CDK5RAP2: variants seen among roughly 807,000 people sequenced by gnomAD.
CDK5RAP2 encodes CDK5 regulatory subunit associated protein 2.
Under a neutral mutation model 232.9 loss-of-function variants are expected in CDK5RAP2, and 147 were observed. The observed-to-expected ratio is 0.63, with a 90% CI of 0.55 to 0.72. The LOEUF is 0.72. CDK5RAP2 is among the 30% of genes least tolerant of loss of function. The pLI, the probability that CDK5RAP2 is intolerant of heterozygous loss-of-function variation, is 0.00. For missense variants in CDK5RAP2, 2,195 were observed against 2,231.5 expected (o/e 0.98, Z 0.33); for synonymous variants, 833 against 833.7 (o/e 1.00, Z 0.01).
chr9:120,482,984 G>A (rs1166197245), intron 14 of CDK5RAP2, among the ~76,000 whole-genome samples: 1 of 152,170 alleles, frequency 6.6e-6, no homozygotes, highest in African/African-American at 2.4e-5. Flanking sequence ...TGACAAACCA[G>A]TAGATCTCCT....
At position 120,550,792 on chromosome 9, in the gene CDK5RAP2, A is replaced by G. The variant is rs761976885; in HGVS notation, c.306T>C (p.Thr102=). ...FHGPTEHIYK[T]NIELKVEVES... ...CAGTAATGAGAAATGGGCCACTCAC[A>G]GTTTTGTAGATATGTTCAGTGGGGC... The change falls in exon 4 of 38, where the codon ACT becomes ACC. Residue 102 remains threonine, a splice_region_variant and synonymous_variant. Coordinates refer to ENST00000349780, the MANE Select transcript of CDK5RAP2 (RefSeq NM_018249.6). 5 of 1,549,680 alleles carry G rather than the reference A, an allele frequency of 3.2e-6. No homozygotes were observed. The Admixed American group carries it at 6.7e-5, about 21-fold the overall frequency.
chr9:120,461,217 T>C (rs1276552665), intron 18 of CDK5RAP2, among the ~76,000 whole-genome samples: 1 of 152,276 alleles, frequency 6.6e-6, no homozygotes, highest in Non-Finnish European at 1.5e-5. Context: ...GTCATTTTGC[T>C]GACAGAAATT....
At chr9:120,537,269 A>T (rs780292287) in intron 6 of CDK5RAP2, among the ~76,000 whole-genome samples, 108 of 152,260 alleles carry the variant, frequency 7.1e-4, no homozygotes, top group Non-Finnish European at 1.3e-3. Context: ...CCCAATCTAT[A>T]AAATAGGGAT....
chr9:120,529,879 G>C (rs776302661), intron 8 of CDK5RAP2, 99 bp downstream of exon 8: 1 of 1,140,856 alleles, frequency 8.8e-7, no homozygotes, highest in Admixed American at 1.7e-5. Context: ...TTTAGAAGCA[G>C]GCTGTGTGTG....
chr9:120,512,101 C>T (rs2040120976), intron 12 of CDK5RAP2, among the ~76,000 whole-genome samples: 1 of 152,084 alleles, frequency 6.6e-6, no homozygotes, highest in Non-Finnish European at 1.5e-5. Flanking sequence ...ATAATCCTAA[C>T]ACTTTGGGAG....
chr9:120,471,992 A>T, intron 15 of CDK5RAP2, 114 bp from the exon 16 acceptor site: 2 of 1,357,498 alleles, frequency 1.5e-6, no homozygotes, highest in South Asian at 2.4e-5. Context: ...TTCTGGTTAT[A>T]AAAGTATATA....
At chr9:120,542,427 C>T (rs2041671358) in intron 5 of CDK5RAP2, among the ~76,000 whole-genome samples, 1 of 151,798 alleles carries the variant, frequency 6.6e-6, no homozygotes, top group Non-Finnish European at 1.5e-5. Flanking sequence ...ATCACTTGAA[C>T]CCGGGTTGTA....
At chr9:120,402,512 G>C (rs748961167) in intron 34 of CDK5RAP2, among the ~76,000 whole-genome samples, 2 of 152,174 alleles carry the variant, frequency 1.3e-5, no homozygotes, top group Non-Finnish European at 2.9e-5. Flanking sequence ...GACACACCAG[G>C]GTGCAGATGG....
intron 11 of CDK5RAP2, among the ~76,000 whole-genome samples, chr9:120,522,700 T>A (rs939388228): frequency 2.0e-5 from 3 of 152,176 alleles, no homozygotes; most frequent in Non-Finnish European, 4.4e-5. Context: ...GTGAAACCAG[T>A]GATTAGAATT....
chr9:120,443,900 A>G (rs774430533), intron 22 of CDK5RAP2, among the ~76,000 whole-genome samples, 158 bp from the exon 23 acceptor site: 2 of 152,170 alleles, frequency 1.3e-5, no homozygotes, highest in South Asian at 2.1e-4. Context: ...TCGAGCTGCC[A>G]TAACAGGACA....
At chr9:120,395,861 G>A (rs2032421774) in intron 35 of CDK5RAP2, among the ~76,000 whole-genome samples, 1 of 152,256 alleles carries the variant, frequency 6.6e-6, no homozygotes, top group East Asian at 1.9e-4. Flanking sequence ...AGGTGTGGGT[G>A]AGACAACTAT....
chr9:120,530,324 CCT>C (rs1341778555), intron 7 of CDK5RAP2, among the ~76,000 whole-genome samples, 184 bp from the exon 8 acceptor site: 3 of 152,134 alleles, frequency 2.0e-5, no homozygotes, highest in Non-Finnish European at 4.4e-5. Flanking sequence ...TAACTGGTCC[CCT>C]GCCTGCCTCC....
At chr9:120,548,894 C>T (rs569996515) in intron 4 of CDK5RAP2, among the ~76,000 whole-genome samples, 2 of 152,116 alleles carry the variant, frequency 1.3e-5, no homozygotes, top group Admixed American at 6.5e-5. Context: ...CAGTGCCTCA[C>T]GCCTATAATC....
intron 25 of CDK5RAP2, among the ~76,000 whole-genome samples, chr9:120,428,008 T>G (rs922020692): frequency 5.3e-5 from 8 of 152,136 alleles, no homozygotes; most frequent in Admixed American, 5.2e-4. Context: ...GAATGACTAC[T>G]GGGTACATAA....
chr9:120,492,991 C>A (rs544701127), intron 12 of CDK5RAP2, among the ~76,000 whole-genome samples: 1 of 152,202 alleles, frequency 6.6e-6, no homozygotes, highest in African/African-American at 2.4e-5. Flanking sequence ...AGTCTCTAAA[C>A]GCCTTTTCCT....
At chr9:120,534,128 T>C (rs754053963) in intron 7 of CDK5RAP2, among the ~76,000 whole-genome samples, 7 of 152,156 alleles carry the variant, frequency 4.6e-5, no homozygotes, top group Non-Finnish European at 1.0e-4. Flanking sequence ...CAGTGGCTTC[T>C]TGTATGCCTT....
rs796831233 is a variant in CDK5RAP2 at position 120,477,567 on chromosome 9, G to A, written c.1627-117C>T. 9.7e-6 allele frequency: 8 copies of A among 822,952 alleles called. No homozygotes were observed. The African/African-American group carries it at 1.2e-4, about 12-fold the overall frequency. 51.0% of individuals were successfully genotyped at this position (822,952 alleles called of 1,614,324 possible). ...TTTAAAATCAAACGAAGGTGAGAGA[G>A]GCCCTGTGCCTGGCTCTGGCTCAGG... On this transcript the variant is annotated intron_variant, in intron 14 of 37. Transcript: ENST00000349780.
chr9:120,437,226 C>G, intron 25 of CDK5RAP2, 69 bp downstream of exon 25: 1 of 1,111,184 alleles, frequency 9.0e-7, no homozygotes. Context: ...TTAGCTCCTC[C>G]TGTGCCCCTC....
chr9:120,560,150 A>C (rs1189722845), intron 3 of CDK5RAP2, among the ~76,000 whole-genome samples: 1 of 152,240 alleles, frequency 6.6e-6, no homozygotes, highest in East Asian at 1.9e-4. Context: ...GCAGAAACAG[A>C]CTAAACTACC....
Sources: allele counts gnomAD v4.1 joint callset (sites outside exome capture counted in the v4.1 genomes callset), GRCh38; gene constraint gnomAD v4.1.1; transcripts MANE v1.5; gene names NCBI Gene and HGNC (gene_info 2026-07-23, HGNC 2026-07-21).